AGAP1: variants seen among roughly 807,000 people sequenced by gnomAD.
AGAP1 encodes the protein arf-GAP with GTPase, ANK repeat and PH domain-containing protein 1.
Under a neutral mutation model 105.3 loss-of-function variants are expected in AGAP1, and 29 were observed. The ratio of observed to expected loss-of-function variants is 0.28; its 90% CI spans 0.21 to 0.38. The LOEUF (loss-of-function observed/expected upper bound fraction) is 0.38, where lower values mean the gene tolerates loss of function less well. Ranked by LOEUF, AGAP1 falls within the 10% of genes least tolerant of loss-of-function variation. AGAP1 has a pLI of 1.00. For synonymous variants in AGAP1, 509 were observed against 485.9 expected (o/e 1.05, Z -0.63); for missense variants, 998 against 1,165.1 (o/e 0.86, Z 2.09).
At position 236,113,543 on chromosome 2, in the gene AGAP1, A is replaced by G. The variant is rs1298939267; in HGVS notation, c.2115-6649A>G. Among the ~76,000 whole-genome samples, 2 of 152,232 alleles carry G rather than the reference A, an allele frequency of 1.3e-5. No individual in the cohort carries two copies. The highest frequency in any genetic ancestry group is 1.9e-4 in the East Asian group (1 of 5,198). On this transcript the variant is annotated intron_variant, in intron 16 of 17. Transcript: ENST00000304032. The surrounding 1 kb of genome is among the most constrained non-coding windows in gnomAD (Gnocchi z 4.3). ...AGCCCACACTAAGTGCTCCGGTTAC[A>G]TGGAGATTACACCTTGCCAGCTGAG... is the stretch of plus-strand genomic sequence containing the variant.
At chr2:235,819,904 CTT>C (rs1179307250) in intron 9 of AGAP1, among the ~76,000 whole-genome samples, 9 of 130,254 alleles carry the variant, frequency 6.9e-5, no homozygotes, top group Middle Eastern at 3.5e-3. Flanking sequence ...TTCTTTCTTT[CTT>C]TTTTTTTTTT....
chr2:235,643,778 T>G (rs1421107844), intron 1 of AGAP1, among the ~76,000 whole-genome samples: 2 of 152,082 alleles, frequency 1.3e-5, no homozygotes, highest in Admixed American at 1.3e-4. Context: ...AGCGCACTGT[T>G]GAAACATAGC....
intron 13 of AGAP1, among the ~76,000 whole-genome samples, chr2:236,007,778 C>T (rs2056372289): frequency 6.6e-6 from 1 of 152,236 alleles, no homozygotes; most frequent in African/African-American, 2.4e-5. Flanking sequence ...GTGGCCCCTG[C>T]TCACCAGCCT....
intron 13 of AGAP1, among the ~76,000 whole-genome samples, chr2:236,031,375 G>C (rs2057219814): frequency 6.6e-6 from 1 of 152,120 alleles, no homozygotes; most frequent in African/African-American, 2.4e-5. Flanking sequence ...GCACGCCACG[G>C]GCACCCCTCC....
chr2:235,636,461 A>G lies in AGAP1; in HGVS notation c.164-72718A>G, dbSNP rs138648984. ...ATGTGTTCATGCCTGTGGAAAGGGA[A>G]GTTGGCTATCTGGTCTCGAACCCTC... On this transcript the variant is annotated intron_variant, in intron 1 of 17. Coordinates refer to ENST00000304032, the MANE Select transcript of AGAP1 (RefSeq NM_001037131.3). Among the ~76,000 whole-genome samples, 13 of 152,300 alleles carry G rather than the reference A, an allele frequency of 8.5e-5. No individual in the cohort carries two copies. In the East Asian group the frequency reaches 2.5e-3, roughly 29 times the overall value.
Position 236,124,193 on chromosome 2 carries a change from G to A in AGAP1, c.*71G>A, listed in dbSNP as rs11899677. On this transcript the variant is annotated 3_prime_UTR_variant, in exon 18 of 18. Coordinates refer to ENST00000304032, the MANE Select transcript of AGAP1 (RefSeq NM_001037131.3). This position sits in a 1 kb window ranked among gnomAD's most constrained non-coding sequence, Gnocchi z 5.1. Reference sequence around the variant, plus strand: ...CTCGCCGCATTCTCGCTCAGAAGTCGCAGCACGTGAGTCCCGTCGCATCCC... The same window carrying A: ...CTCGCCGCATTCTCGCTCAGAAGTCACAGCACGTGAGTCCCGTCGCATCCC... 0.28 allele frequency: 424,853 copies of A among 1,530,232 alleles called. 66,021 individuals are homozygous for A. Among genetic ancestry groups the A allele is most frequent in the African/African-American group, 0.64 (46,986 of 72,920 alleles). 94.8% of individuals were successfully genotyped at this position (1,530,232 alleles called of 1,614,324 possible).
intron 1 of AGAP1, among the ~76,000 whole-genome samples, chr2:235,537,763 A>G (rs1943288987): frequency 1.3e-5 from 2 of 152,138 alleles, no homozygotes; most frequent in Admixed American, 6.5e-5. Context: ...TTTCAGGCTA[A>G]TGTCACTGAA....
intron 1 of AGAP1, among the ~76,000 whole-genome samples, chr2:235,603,323 G>C (rs942519503): frequency 1.3e-5 from 2 of 152,244 alleles, no homozygotes; most frequent in South Asian, 2.1e-4. Context: ...ACCTCTTTTT[G>C]TTTATAAATT....
At chr2:235,780,604 C>G (rs143393870) in intron 6 of AGAP1, among the ~76,000 whole-genome samples, 2 of 152,004 alleles carry the variant, frequency 1.3e-5, no homozygotes, top group Non-Finnish European at 2.9e-5. Flanking sequence ...AGCTGTGCAA[C>G]GGTGTAGCTA....
chr2:236,009,365 C>T lies in AGAP1; in HGVS notation c.1646-27196C>T, dbSNP rs538369960. On this transcript the variant is annotated intron_variant, in intron 13 of 17. Coordinates refer to ENST00000304032, the MANE Select transcript of AGAP1 (RefSeq NM_001037131.3). The surrounding 1 kb of genome is among the most constrained non-coding windows in gnomAD (Gnocchi z 4.2). ...AGTGACACAAAACCACAGCAGAATC[C>T]GCTCACACCTGCCGAGGTTCCTGGG... 3.9e-5 allele frequency among the ~76,000 whole-genome samples: 6 copies of T among 152,200 alleles called. No individual in the cohort carries two copies. Among genetic ancestry groups the T allele is most frequent in the African/African-American group, 1.4e-4 (6 of 41,476 alleles).
intron 16 of AGAP1, among the ~76,000 whole-genome samples, chr2:236,110,495 C>T (rs1358352299): frequency 6.6e-6 from 1 of 152,026 alleles, no homozygotes; most frequent in African/African-American, 2.4e-5. Context: ...CCCGGGAGTT[C>T]CAGACTGCAG....
At chr2:235,666,400 A>T (rs577299746) in intron 1 of AGAP1, among the ~76,000 whole-genome samples, 4 of 152,110 alleles carry the variant, frequency 2.6e-5, no homozygotes, top group Non-Finnish European at 5.9e-5. Flanking sequence ...TTGGAGTGAC[A>T]TGTCGGGAGC....
At chr2:235,643,015 G>A (rs980419070) in intron 1 of AGAP1, among the ~76,000 whole-genome samples, 1 of 152,080 alleles carries the variant, frequency 6.6e-6, no homozygotes, top group African/African-American at 2.4e-5. Context: ...GGTTTTCTTG[G>A]GAGGAGAAAA....
At chr2:236,057,843 A>G (rs2058091022) in intron 16 of AGAP1, among the ~76,000 whole-genome samples, 1 of 152,158 alleles carries the variant, frequency 6.6e-6, no homozygotes, top group East Asian at 1.9e-4. Flanking sequence ...AAAGAAAATA[A>G]TATTTATGAA....
chr2:235,651,999 T>C (rs1947611031), intron 1 of AGAP1, among the ~76,000 whole-genome samples: 1 of 152,202 alleles, frequency 6.6e-6, no homozygotes, highest in African/African-American at 2.4e-5. Context: ...GGGGCACCCC[T>C]TTTGTTTTTT....
intron 12 of AGAP1, among the ~76,000 whole-genome samples, chr2:235,939,862 GCT>G (rs1021440852): frequency 2.7e-4 from 41 of 151,936 alleles, no homozygotes; most frequent in African/African-American, 8.5e-4. Context: ...CCAGAACTCA[GCT>G]CTCTCCTGTC....
At chr2:235,587,369 G>A (rs1019340242) in intron 1 of AGAP1, among the ~76,000 whole-genome samples, 1 of 152,166 alleles carries the variant, frequency 6.6e-6, no homozygotes, top group Non-Finnish European at 1.5e-5. Context: ...AACCATAGGT[G>A]GGAGGCTGGG....
intron 1 of AGAP1, among the ~76,000 whole-genome samples, chr2:235,530,214 G>T (rs1942994021): frequency 6.6e-6 from 1 of 152,176 alleles, no homozygotes. Flanking sequence ...TGCAGAGGCT[G>T]AGCTCATTCG....
intron 12 of AGAP1, among the ~76,000 whole-genome samples, chr2:235,944,635 G>A (rs1198336689): frequency 1.3e-5 from 2 of 152,202 alleles, no homozygotes; most frequent in Non-Finnish European, 2.9e-5. Context: ...ACTCCCCAAA[G>A]TGATACATCT....
Sources: allele counts gnomAD v4.1 joint callset (sites outside exome capture counted in the v4.1 genomes callset), GRCh38; gene constraint gnomAD v4.1.1; non-coding constraint Gnocchi (gnomAD v3.1); transcripts MANE v1.5; gene names NCBI Gene and HGNC (gene_info 2026-07-23, HGNC 2026-07-21).